The following VDAC2 variants were observed in gnomAD, a reference collection of about 807,000 sequenced individuals.
The protein encoded by VDAC2 is voltage dependent anion channel 2.
In VDAC2, 6 loss-of-function variants were observed where a neutral mutation model predicts 36.6. The observed-to-expected ratio is 0.16, with a 90% CI of 0.09 to 0.32. The LOEUF is 0.32. Ranked by LOEUF, VDAC2 falls within the 10% of genes least tolerant of loss-of-function variation. The probability of loss-of-function intolerance (pLI) is 1.00; values close to 1 mark genes in which losing one functional copy is unlikely to be tolerated. For missense variants in VDAC2, 247 were observed against 346.0 expected, an observed-to-expected ratio of 0.71 and a Z score of 2.27; for synonymous variants, 109 against 123.8, an observed-to-expected ratio of 0.88 and a Z score of 0.79.
chr10:75,225,705 A>G (rs141091381), intron 8 of VDAC2, among the ~76,000 whole-genome samples: 1 of 152,110 alleles, frequency 6.6e-6, no homozygotes, highest in Non-Finnish European at 1.5e-5. Flanking sequence ...TCTCATTCTC[A>G]TGTCTCTCTG....
At chr10:75,211,610 G>A in intron 2 of VDAC2, 1 of 1,550,550 alleles carries the variant, frequency 6.4e-7, no homozygotes, top group Non-Finnish European at 8.7e-7. Flanking sequence ...AGCTCAGATT[G>A]CCTGCCCTTA....
At chr10:75,214,164 T>G in intron 4 of VDAC2, 94 bp downstream of exon 4, 2 of 1,327,620 alleles carry the variant, frequency 1.5e-6, no homozygotes, top group Non-Finnish European at 2.1e-6. Context: ...TGTTTTGTCT[T>G]AAAGAAGAGG....
chr10:75,215,957 A>C (rs1457631999), intron 4 of VDAC2, among the ~76,000 whole-genome samples: 1 of 150,812 alleles, frequency 6.6e-6, no homozygotes, highest in African/African-American at 2.4e-5. Flanking sequence ...CCTGACCTCA[A>C]GTGATCCCAA....
At chr10:75,224,525 C>T (rs1279706792) in intron 8 of VDAC2, among the ~76,000 whole-genome samples, 1 of 152,058 alleles carries the variant, frequency 6.6e-6, no homozygotes, top group African/African-American at 2.4e-5. Flanking sequence ...CTGTGCTGTG[C>T]TCAGGTACTT....
Position 75,210,831 on chromosome 10 carries a change from CT to C in VDAC2, c.-131del. ...GTTGCGGCGGGCGGAACGGTGTCTC[CT>C]TCACTTCGCCCTCCAGCTGCTGGAG... On this transcript the variant is annotated 5_prime_UTR_variant, in exon 1 of 10. Coordinates refer to ENST00000332211, the MANE Select transcript of VDAC2 (RefSeq NM_001391963.1). 3.5e-6 allele frequency: 1 copy of C among 286,838 alleles called. No individual in the cohort carries two copies. 17.8% of individuals were successfully genotyped at this position (286,838 alleles called of 1,614,324 possible).
chr10:75,228,435 TACAG>T (rs535476632), intron 8 of VDAC2, among the ~76,000 whole-genome samples: 15 of 152,030 alleles, frequency 9.9e-5, no homozygotes, highest in Non-Finnish European at 1.9e-4. Flanking sequence ...GAAAATTTTG[TACAG>T]ACAGACAGGG....
intron 4 of VDAC2, chr10:75,217,966 T>C: frequency 7.8e-7 from 1 of 1,286,424 alleles, no homozygotes. Flanking sequence ...GTGATGCTTG[T>C]GATCCCAGCT....
intron 8 of VDAC2, among the ~76,000 whole-genome samples, chr10:75,223,930 G>T (rs1841888973): frequency 6.6e-6 from 1 of 152,222 alleles, no homozygotes; most frequent in East Asian, 1.9e-4. Flanking sequence ...GGGCATTGAA[G>T]CTGTGTCCCT....
intron 4 of VDAC2, among the ~76,000 whole-genome samples, chr10:75,217,287 T>C (rs954019536): frequency 2.0e-5 from 3 of 152,138 alleles, no homozygotes; most frequent in African/African-American, 7.2e-5. Flanking sequence ...TGTGTCCTGC[T>C]CAGTGTGATG....
In VDAC2 at chr10:75,219,408, T is replaced by C. The variant is rs1211947252; in HGVS notation, c.356+52T>C. The stretch of plus-strand genomic sequence containing the variant: ...TACATTTAAAAGTATTTCTCTTTTG[T>C]ATATTTAGAAAAGGTGTACATTTAC... On this transcript the variant is annotated intron_variant, in intron 6 of 9. Transcript: ENST00000332211. The C allele has an allele frequency of 2.8e-6, 4 of 1,452,506 alleles. No individual in the cohort carries two copies. In the African/African-American group the frequency reaches 5.7e-5, roughly 21 times the overall value. The allele number at this position is 1,452,506 out of a possible 1,614,324, so 90.0% of individuals were successfully genotyped here. A position where few individuals can be genotyped will look rare whatever the true frequency, so the allele number is the denominator to read the frequency against.
chr10:75,230,983 G>A lies in VDAC2; in HGVS notation c.879G>A (p.Glu293=). The change falls in exon 10 of 10, where the codon GAG becomes GAA. Residue 293 remains glutamate, a synonymous_variant. Coordinates refer to ENST00000332211, the MANE Select transcript of VDAC2 (RefSeq NM_001391963.1). ...GHKVGLALEL[E]A ...AGGTTGGGCTCGCCCTGGAGTTGGAGGCTTAATCCAGCTGAAAGAAACCTT... is the reference window on the plus strand; with the variant it reads ...AGGTTGGGCTCGCCCTGGAGTTGGAAGCTTAATCCAGCTGAAAGAAACCTT... 1.2e-6 allele frequency: 2 copies of A among 1,611,048 alleles called. No individual in the cohort carries two copies. The highest frequency in any genetic ancestry group is 1.1e-5 in the South Asian group (1 of 90,798).
At chr10:75,225,341 A>C (rs1841925066) in intron 8 of VDAC2, among the ~76,000 whole-genome samples, 1 of 152,228 alleles carries the variant, frequency 6.6e-6, no homozygotes, top group African/African-American at 2.4e-5. Flanking sequence ...TATTTGCACC[A>C]TAATGAGGAC....
chr10:75,211,300 CT>C, intron 2 of VDAC2, 111 bp downstream of exon 2: 1 of 1,491,618 alleles, frequency 6.7e-7, no homozygotes, highest in Non-Finnish European at 9.1e-7. Context: ...AATTCGGCTG[CT>C]TTTGGTGGTC....
intron 4 of VDAC2, among the ~76,000 whole-genome samples, chr10:75,216,623 A>G (rs553080748): frequency 5.9e-5 from 9 of 152,182 alleles, no homozygotes; most frequent in Non-Finnish European, 1.3e-4. Context: ...GGTAAAGGGT[A>G]TGAGCTGTAA....
chr10:75,225,124 G>A (rs1841919675), intron 8 of VDAC2, among the ~76,000 whole-genome samples: 1 of 152,138 alleles, frequency 6.6e-6, no homozygotes, highest in African/African-American at 2.4e-5. Context: ...AGCCTCCTCA[G>A]GATATAATAC....
intron 8 of VDAC2, among the ~76,000 whole-genome samples, chr10:75,228,129 T>G (rs991650363): frequency 6.7e-6 from 1 of 149,406 alleles, no homozygotes; most frequent in African/African-American, 2.5e-5. Flanking sequence ...TTCCTGACCT[T>G]GTGGTCCGCC....
At chr10:75,217,835 T>G in intron 4 of VDAC2, 1 of 1,094,092 alleles carries the variant, frequency 9.1e-7, no homozygotes, top group Non-Finnish European at 1.2e-6. Flanking sequence ...TGAGAGAAGG[T>G]TGACTGGCCT....
chr10:75,222,715 A>T (rs549659013), intron 8 of VDAC2, among the ~76,000 whole-genome samples: 16 of 152,078 alleles, frequency 1.1e-4, no homozygotes, highest in African/African-American at 3.6e-4. Context: ...TGTCAGAAAT[A>T]ATAGTGCTTT....
chr10:75,213,808 T>C (rs1841510487), intron 3 of VDAC2, among the ~76,000 whole-genome samples: 1 of 152,208 alleles, frequency 6.6e-6, no homozygotes, highest in African/African-American at 2.4e-5. Context: ...TACCAAAAAC[T>C]AGACAAAGCA....
Sources: allele counts gnomAD v4.1 joint callset (sites outside exome capture counted in the v4.1 genomes callset), GRCh38; gene constraint gnomAD v4.1.1; transcripts MANE v1.5; gene names NCBI Gene and HGNC (gene_info 2026-07-23, HGNC 2026-07-21).